The following PACS2 variants were observed in gnomAD, a reference collection of about 807,000 sequenced individuals.
PACS2 encodes the protein PACS1-like protein.
In PACS2, 36 loss-of-function variants were observed where a neutral mutation model predicts 113.0. The observed-to-expected ratio is 0.32, with a 90% CI of 0.24 to 0.42. PACS2 has a LOEUF of 0.42. PACS2 is among the 10% of genes least tolerant of loss of function. PACS2 has a pLI of 1.00. For missense variants in PACS2, 1,015 were observed against 1,239.5 expected, an observed-to-expected ratio of 0.82 and a Z score of 2.72; for synonymous variants, 589 against 536.1, an observed-to-expected ratio of 1.10 and a Z score of -1.36.
rs1272461676 is a variant in PACS2, at chr14:105,376,726, G to A, written c.802-42G>A. ...TCGGGCGCCCCCAGTGGGGCAATGTGGGCTGCTGCAGGGAACTCACGCGTG... is the reference window on the plus strand; with the variant it reads ...TCGGGCGCCCCCAGTGGGGCAATGTAGGCTGCTGCAGGGAACTCACGCGTG... On this transcript the variant is annotated intron_variant, in intron 8 of 24. Transcript: ENST00000447393. This position sits in a 1 kb window ranked among gnomAD's most constrained non-coding sequence, Gnocchi z 4.7. The A allele has an allele frequency of 3.1e-6, 5 of 1,597,018 alleles. No individual in the cohort carries two copies. Among genetic ancestry groups the A allele is most frequent in the Non-Finnish European group, 4.3e-6 (5 of 1,169,656 alleles).
rs908607339 is a variant in PACS2, at chr14:105,314,831, G to GCCGCCCTCCGCGCGCCCGGC, written c.-81_-62dup. ...CGCCCGGCAGCCATGTGACCGCGCCGCCGCCCTCCGCGCGCCCGGCCCGCC... is the reference window on the plus strand; with the variant it reads ...CGCCCGGCAGCCATGTGACCGCGCCGCCGCCCTCCGCGCGCCCGGCCCGCCCTCCGCGCGCCCGGCCCGCC... On this transcript the variant is annotated 5_prime_UTR_variant, in exon 1 of 25. Transcript: ENST00000447393. 6 of 429,652 alleles carry GCCGCCCTCCGCGCGCCCGGC rather than the reference G, an allele frequency of 1.4e-5. No homozygotes were observed. The highest frequency in any genetic ancestry group is 1.8e-5 in the Non-Finnish European group (6 of 326,068). The allele number at this position is 429,652 out of a possible 1,614,324, so 26.6% of individuals were successfully genotyped here. A position where few individuals can be genotyped will look rare whatever the true frequency, so the allele number is the denominator to read the frequency against.
rs1490193788 is a variant in PACS2 at position 105,395,935 on chromosome 14, GC to G, written c.*1264del. 1 of 152,284 alleles carries G rather than the reference GC, an allele frequency of 6.6e-6. No individual in the cohort carries two copies. The highest frequency in any genetic ancestry group is 6.5e-5 in the Admixed American group (1 of 15,284). 9.4% of individuals were successfully genotyped at this position (152,284 alleles called of 1,614,324 possible). On this transcript the variant is annotated 3_prime_UTR_variant, in exon 25 of 25. Transcript: ENST00000447393. ...CCAGGGGTCCTGATCGACCCTGGGG[GC>G]TCTTGGCCTGGTTTCGTAAGATGGA...
chr14:105,383,283 A>G (rs781931464), intron 15 of PACS2, 76 bp from the exon 16 acceptor site: 15 of 1,541,412 alleles, frequency 9.7e-6, no homozygotes, highest in Non-Finnish European at 1.2e-5. Context: ...CTGGGCTCAC[A>G]CTGGCATCCT....
At position 105,392,602 on chromosome 14, in the gene PACS2, C is replaced by G; in HGVS notation, c.2256-17C>G. On this transcript the variant is annotated splice_polypyrimidine_tract_variant and intron_variant, in intron 22 of 24. Transcript: ENST00000447393. Reference sequence around the variant, plus strand: ...CCCAAAGATGCAGGTGTGAATGCCTCCCTCTGCCTTTCCCAGCCAGGGTGT... The same window carrying G: ...CCCAAAGATGCAGGTGTGAATGCCTGCCTCTGCCTTTCCCAGCCAGGGTGT... 1 of 1,583,574 alleles carries G rather than the reference C, an allele frequency of 6.3e-7. No individual in the cohort carries two copies. Among genetic ancestry groups the G allele is most frequent in the South Asian group, 1.1e-5 (1 of 87,452 alleles).
At chr14:105,349,275 G>C (rs1257465609) in intron 2 of PACS2, among the ~76,000 whole-genome samples, 1 of 152,260 alleles carries the variant, frequency 6.6e-6, no homozygotes, top group Non-Finnish European at 1.5e-5. Flanking sequence ...GCCACCGCCA[G>C]CGGGCTCTCC....
chr14:105,368,828 C>T (rs1444442400), intron 7 of PACS2, among the ~76,000 whole-genome samples: 2 of 152,252 alleles, frequency 1.3e-5, no homozygotes, highest in East Asian at 1.9e-4. Flanking sequence ...GCAGAAACTC[C>T]GGGAGGCCAT....
rs140073894 is a variant in PACS2 at position 105,361,928 on chromosome 14, G to A, written c.424-5285G>A. Among the ~76,000 whole-genome samples the A allele has an allele frequency of 4.1e-3, 618 of 151,118 alleles. 8 individuals carry two copies. Among genetic ancestry groups the A allele is most frequent in the African/African-American group, 0.014 (579 of 41,058 alleles). ...CACGACATTGCACTCCAGCCTGGGC[G>A]CCAAGAGTGAGACTTCATCTCAAAC... is the stretch of plus-strand genomic sequence containing the variant. On this transcript the variant is annotated intron_variant, in intron 4 of 24. Transcript: ENST00000447393.
In PACS2 at chr14:105,323,309, A is replaced by G. The variant is rs751709465; in HGVS notation, c.119+8272A>G. Among the ~76,000 whole-genome samples, 25 of 152,170 alleles carry G rather than the reference A, an allele frequency of 1.6e-4. No homozygotes were observed. Among genetic ancestry groups the G allele is most frequent in the Non-Finnish European group, 2.9e-4 (20 of 68,024 alleles). On this transcript the variant is annotated intron_variant, in intron 1 of 24. Coordinates refer to ENST00000447393, the MANE Select transcript of PACS2 (RefSeq NM_001100913.3). This position sits in a 1 kb window ranked among gnomAD's most constrained non-coding sequence, Gnocchi z 4.1. ...TCTTCCTGCCGGATCCTCCACATCC[A>G]TAGATGCACTGGGTGGTGTCAGTGG...
chr14:105,353,717 C>G (rs1250637988), intron 3 of PACS2, among the ~76,000 whole-genome samples: 1 of 152,000 alleles, frequency 6.6e-6, no homozygotes, highest in African/African-American at 2.4e-5. Flanking sequence ...CTTCAGCCTC[C>G]CGAGCAGCTG....
At position 105,382,815 on chromosome 14, in the gene PACS2, C is replaced by T. The variant is rs782027893; in HGVS notation, c.1527C>T (p.Ser509=). The part of the protein sequence containing the change: ...NTSDWQGQFL[S]DVLQRHTLPV... Reference sequence around the variant, plus strand: ...TGCCTGTCTTCTGCCAGTTCCTCTCCGACGTCCTGCAGAGGCACACGCTCC... The same window carrying T: ...TGCCTGTCTTCTGCCAGTTCCTCTCTGACGTCCTGCAGAGGCACACGCTCC... The change falls in exon 15 of 25, where the codon TCC becomes TCT. Residue 509 remains serine (S), a synonymous_variant. Transcript: ENST00000447393. 45 of 1,594,338 alleles carry T rather than the reference C, an allele frequency of 2.8e-5. No individual in the cohort carries two copies. Among genetic ancestry groups the T allele is most frequent in the African/African-American group, 2.4e-4 (18 of 74,822 alleles).
chr14:105,324,351 C>T lies in PACS2; in HGVS notation c.119+9314C>T, dbSNP rs115002656. ...CTCAGGTGCAGGTGGGAAGGGGTGG[C>T]AGGATGGAGGTTGTACAGTGCTTTC... On this transcript the variant is annotated intron_variant, in intron 1 of 24. Coordinates refer to ENST00000447393, the MANE Select transcript of PACS2 (RefSeq NM_001100913.3). The surrounding 1 kb of genome is among the most constrained non-coding windows in gnomAD (Gnocchi z 4.7). Among the ~76,000 whole-genome samples the T allele has an allele frequency of 6.1e-3, 928 of 152,036 alleles. 14 individuals carry two copies. The highest frequency in any genetic ancestry group is 0.021 in the African/African-American group (864 of 41,460).
At chr14:105,338,893 ACTCT>A (rs1259096239) in intron 1 of PACS2, among the ~76,000 whole-genome samples, 2 of 150,512 alleles carry the variant, frequency 1.3e-5, no homozygotes, top group Non-Finnish European at 3.0e-5. Flanking sequence ...CTGTCTTCCT[ACTCT>A]CTCCCCTCCT....
upstream of PACS2, among the ~76,000 whole-genome samples, chr14:105,310,054 G>A (rs1460396547): frequency 6.6e-6 from 1 of 151,728 alleles, no homozygotes; most frequent in Non-Finnish European, 1.5e-5. Context: ...AAAGTGCTGG[G>A]ATTACAGGTA....
At chr14:105,391,095 C>T in intron 20 of PACS2, 112 bp from the exon 21 acceptor site, 1 of 797,088 alleles carries the variant, frequency 1.3e-6, no homozygotes, top group South Asian at 1.4e-5. Flanking sequence ...CACCTGGCCG[C>T]TCCAGCATCA....
chr14:105,304,324 C>A (rs1159610995), intron 1 of PACS2, among the ~76,000 whole-genome samples: 1 of 151,920 alleles, frequency 6.6e-6, no homozygotes, highest in Non-Finnish European at 1.5e-5. Context: ...ACCCATCTTT[C>A]CAAAAAATAC....
chr14:105,349,115 G>A (rs1163340012), intron 2 of PACS2, among the ~76,000 whole-genome samples: 2 of 151,494 alleles, frequency 1.3e-5, no homozygotes, highest in Non-Finnish European at 2.9e-5. Flanking sequence ...GCCTGGCCCA[G>A]GCCCCGCCCC....
chr14:105,380,473 C>A (rs1270170871), intron 11 of PACS2, among the ~76,000 whole-genome samples: 2 of 149,352 alleles, frequency 1.3e-5, no homozygotes, highest in Non-Finnish European at 3.0e-5. Context: ...ACTCCCCCCA[C>A]CCTCAGGGTC....
intron 1 of PACS2, among the ~76,000 whole-genome samples, chr14:105,346,443 G>A (rs1292497103): frequency 6.6e-6 from 1 of 151,150 alleles, no homozygotes; most frequent in Non-Finnish European, 1.5e-5. Context: ...AGAGCACCCC[G>A]TGGCCCTGCA....
chr14:105,313,445 A>G (rs916586192), upstream of PACS2, among the ~76,000 whole-genome samples: 1 of 152,222 alleles, frequency 6.6e-6, no homozygotes, highest in Admixed American at 6.5e-5. Context: ...ACCACCTTAG[A>G]GGAGCCAGGG....
Sources: gnomAD v4.1 joint callset for allele counts (sites outside exome capture counted in the v4.1 genomes callset) on GRCh38, gnomAD v4.1.1 for gene constraint, Gnocchi (gnomAD v3.1) non-coding constraint, MANE v1.5 for transcripts, NCBI Gene and HGNC (gene_info 2026-07-23, HGNC 2026-07-21) for gene names.